SPOCK1: variants seen among roughly 807,000 people sequenced by gnomAD.
SPOCK1 encodes testican-1.
Under a neutral mutation model 55.3 loss-of-function variants are expected in SPOCK1, and 23 were observed. The observed-to-expected ratio is 0.42, with a 90% CI of 0.30 to 0.59. SPOCK1 has a LOEUF of 0.59. Among genes scored for constraint, SPOCK1 ranks in the 20% least tolerant of loss-of-function variants. The probability of loss-of-function intolerance (pLI) is 0.22; values close to 1 mark genes in which losing one functional copy is unlikely to be tolerated. For missense variants in SPOCK1, 499 were observed against 552.5 expected (o/e 0.90, Z 0.97); for synonymous variants, 226 against 221.0 (o/e 1.02, Z -0.20).
At chr5:137,060,762 G>C (rs1022751281) in intron 6 of SPOCK1, among the ~76,000 whole-genome samples, 3 of 152,112 alleles carry the variant, frequency 2.0e-5, no homozygotes, top group Non-Finnish European at 4.4e-5. Context: ...CTTTGCCTCA[G>C]CTTATCCTTC....
chr5:137,428,941 T>C (rs902283344), intron 2 of SPOCK1, among the ~76,000 whole-genome samples: 2 of 152,202 alleles, frequency 1.3e-5, no homozygotes, highest in Admixed American at 6.5e-5. Flanking sequence ...CTGAGTGCCC[T>C]TGTTCTTCCC....
At chr5:137,077,061 C>G (rs1001614223) in intron 5 of SPOCK1, among the ~76,000 whole-genome samples, 2 of 152,076 alleles carry the variant, frequency 1.3e-5, no homozygotes, top group Non-Finnish European at 2.9e-5. Context: ...GTAGCTGGGA[C>G]TACAGGCGCC....
chr5:137,033,721 C>CTTGTA (rs1315337024), intron 6 of SPOCK1, among the ~76,000 whole-genome samples: 5 of 152,158 alleles, frequency 3.3e-5, no homozygotes, highest in Admixed American at 3.3e-4. Context: ...TTCATGGTAC[C>CTTGTA]TTGTACTTGT....
At chr5:137,115,317 TAG>T (rs1165545628) in intron 4 of SPOCK1, among the ~76,000 whole-genome samples, 1 of 152,020 alleles carries the variant, frequency 6.6e-6, no homozygotes, top group African/African-American at 2.4e-5. Context: ...GGTGAGAAAC[TAG>T]AGACACAGAG....
At chr5:137,115,294 A>T (rs1053208274) in intron 4 of SPOCK1, among the ~76,000 whole-genome samples, 3 of 152,046 alleles carry the variant, frequency 2.0e-5, no homozygotes, top group African/African-American at 7.3e-5. Flanking sequence ...TACTTCAATA[A>T]CTTTATTTTC....
chr5:137,390,094 C>T (rs1409948044), intron 2 of SPOCK1, among the ~76,000 whole-genome samples: 2 of 152,164 alleles, frequency 1.3e-5, no homozygotes, highest in African/African-American at 4.8e-5. Context: ...ATGTTCCCTA[C>T]TAAAGGAAAT....
intron 3 of SPOCK1, among the ~76,000 whole-genome samples, chr5:137,160,820 T>C (rs1267286295): frequency 2.1e-5 from 3 of 142,796 alleles, no homozygotes; most frequent in Admixed American, 7.6e-5. Context: ...TACAGATTCC[T>C]AAAAGAGCTA....
At chr5:137,226,178 G>C (rs1447433305) in intron 3 of SPOCK1, among the ~76,000 whole-genome samples, 1 of 152,200 alleles carries the variant, frequency 6.6e-6, no homozygotes, top group Non-Finnish European at 1.5e-5. Flanking sequence ...ATTCTTCACA[G>C]GGAGATTGAT....
intron 4 of SPOCK1, among the ~76,000 whole-genome samples, chr5:137,136,982 G>T (rs1020997317): frequency 1.3e-5 from 2 of 152,178 alleles, no homozygotes; most frequent in Non-Finnish European, 2.9e-5. Flanking sequence ...GCCTTGCTTG[G>T]CCCCCCACTG....
At chr5:137,372,224 G>C (rs1181318718) in intron 2 of SPOCK1, among the ~76,000 whole-genome samples, 1 of 151,910 alleles carries the variant, frequency 6.6e-6, no homozygotes, top group Non-Finnish European at 1.5e-5. Context: ...AAAACAGGAA[G>C]AAACTTCATC....
In SPOCK1 at chr5:137,398,310, G is replaced by A. The variant is rs767266867; in HGVS notation, c.186+100063C>T. Among the ~76,000 whole-genome samples, 16 of 152,182 alleles carry A rather than the reference G, an allele frequency of 1.1e-4. No homozygotes were observed. In the East Asian group the frequency reaches 1.2e-3, roughly 11 times the overall value. Reference sequence around the variant, plus strand: ...CTAAGTGTTCAGTCCAAGATAAAGCGGCATGAGGCAGAGGCAGATCCCCAT... The same window carrying A: ...CTAAGTGTTCAGTCCAAGATAAAGCAGCATGAGGCAGAGGCAGATCCCCAT... On this transcript the variant is annotated intron_variant, in intron 2 of 10. Coordinates refer to ENST00000394945, the MANE Select transcript of SPOCK1 (RefSeq NM_004598.4).
At chr5:137,175,754 C>A (rs1292141320) in intron 3 of SPOCK1, among the ~76,000 whole-genome samples, 1 of 152,152 alleles carries the variant, frequency 6.6e-6, no homozygotes, top group Non-Finnish European at 1.5e-5. Context: ...GAGCACCTGG[C>A]ATATAGAATG....
chr5:137,286,904 A>C (rs1011288639), intron 2 of SPOCK1, among the ~76,000 whole-genome samples: 2 of 152,218 alleles, frequency 1.3e-5, no homozygotes, highest in African/African-American at 4.8e-5. Flanking sequence ...AGTTACACAA[A>C]TTCTATTCAG....
chr5:137,213,728 G>C (rs1214624461), intron 3 of SPOCK1, among the ~76,000 whole-genome samples: 1 of 152,196 alleles, frequency 6.6e-6, no homozygotes, highest in Non-Finnish European at 1.5e-5. Flanking sequence ...CTTGGAGTTT[G>C]AGTGAGACTC....
intron 6 of SPOCK1, among the ~76,000 whole-genome samples, chr5:137,049,009 C>T (rs200927125): frequency 1.6e-5 from 2 of 126,722 alleles, no homozygotes; most frequent in African/African-American, 2.8e-5. Context: ...CCGAGAGATC[C>T]GCTGTTAGTC....
chr5:137,400,247 T>A (rs2127183579), intron 2 of SPOCK1, among the ~76,000 whole-genome samples: 2 of 152,322 alleles, frequency 1.3e-5, no homozygotes, highest in Middle Eastern at 6.8e-3. Context: ...TACAGCCTCA[T>A]ACAGGCTGAT....
intron 3 of SPOCK1, among the ~76,000 whole-genome samples, chr5:137,231,107 G>A (rs565154953): frequency 1.3e-5 from 2 of 151,458 alleles, no homozygotes; most frequent in South Asian, 2.1e-4. Context: ...ATAATGGCAT[G>A]ATCTTGGCTC....
At chr5:137,104,753 A>G (rs116026423) in intron 5 of SPOCK1, among the ~76,000 whole-genome samples, 3,720 of 152,172 alleles carry the variant, frequency 0.024, 159 homozygotes, top group African/African-American at 0.085. Context: ...CATCATCCCC[A>G]TCTAGTTGTA....
At chr5:137,352,496 T>C (rs75036645) in intron 2 of SPOCK1, among the ~76,000 whole-genome samples, 133 of 152,334 alleles carry the variant, frequency 8.7e-4, no homozygotes, top group Non-Finnish European at 1.3e-3. Context: ...CAAGTTGTTA[T>C]CAATCTTTTT....
Sources: gnomAD v4.1 joint callset for allele counts (sites outside exome capture counted in the v4.1 genomes callset) on GRCh38, gnomAD v4.1.1 for gene constraint, MANE v1.5 for transcripts, NCBI Gene and HGNC (gene_info 2026-07-23, HGNC 2026-07-21) for gene names.